MRTFA: variants seen among roughly 807,000 people sequenced by gnomAD.
MRTFA encodes myocardin related transcription factor A.
Under a neutral mutation model 83.5 loss-of-function variants are expected in MRTFA, and 20 were observed. That is an observed-to-expected ratio of 0.24 (90% CI 0.17 to 0.35). The LOEUF (loss-of-function observed/expected upper bound fraction) is 0.35. Ranked by LOEUF, MRTFA falls within the 10% of genes least tolerant of loss-of-function variation. The probability of loss-of-function intolerance (pLI) is 1.00; values close to 1 mark genes in which losing one functional copy is unlikely to be tolerated. For synonymous variants in MRTFA, 659 were observed against 541.2 expected, an observed-to-expected ratio of 1.22 and a Z score of -3.02; for missense variants, 1,200 against 1,224.7, an observed-to-expected ratio of 0.98 and a Z score of 0.30.
rs190955931 is a variant in MRTFA, at chr22:40,516,955, C to A, written c.241+35151G>T. 1.4e-4 allele frequency among the ~76,000 whole-genome samples: 21 copies of A among 151,918 alleles called. No individual in the cohort carries two copies. In the East Asian group the frequency reaches 4.1e-3, roughly 29 times the overall value. On this transcript the variant is annotated intron_variant, in intron 3 of 14. Coordinates refer to ENST00000355630, the MANE Select transcript of MRTFA (RefSeq NM_020831.6). ...TTCCTTTTTTTGAGACAGGCTCTCA[C>A]TCTGTCACCCAGGCTGGAGTGCAGT...
At chr22:40,496,743 T>A (rs2054361665) in intron 3 of MRTFA, among the ~76,000 whole-genome samples, 1 of 146,970 alleles carries the variant, frequency 6.8e-6, no homozygotes, top group African/African-American at 2.5e-5. Context: ...ACAATCTATT[T>A]TCTCTTTCTC....
intron 3 of MRTFA, among the ~76,000 whole-genome samples, chr22:40,489,028 T>C (rs2054222100): frequency 6.6e-6 from 1 of 152,128 alleles, no homozygotes. Flanking sequence ...CGTTTCATGA[T>C]GGCTCAGTCC....
chr22:40,546,748 G>A (rs1294091386), intron 3 of MRTFA, among the ~76,000 whole-genome samples: 2 of 152,182 alleles, frequency 1.3e-5, no homozygotes, highest in Non-Finnish European at 2.9e-5. Flanking sequence ...GAAAAAGGCC[G>A]AAGATACACA....
At chr22:40,565,163 C>G (rs79499580) in intron 2 of MRTFA, among the ~76,000 whole-genome samples, 1 of 152,198 alleles carries the variant, frequency 6.6e-6, no homozygotes. Context: ...TCCCAACAAG[C>G]CCCTACCATG....
At chr22:40,427,914 TA>T (rs1278785974) in intron 7 of MRTFA, among the ~76,000 whole-genome samples, 1 of 152,134 alleles carries the variant, frequency 6.6e-6, no homozygotes, top group African/African-American at 2.4e-5. Context: ...TCAAGCTCTA[TA>T]AAAACTCTTG....
At chr22:40,618,015 G>A (rs2056474507) in intron 1 of MRTFA, among the ~76,000 whole-genome samples, 1 of 151,546 alleles carries the variant, frequency 6.6e-6, no homozygotes, top group Non-Finnish European at 1.5e-5. Flanking sequence ...AAGTCTTCTG[G>A]AGAAAAGTGA....
intron 1 of MRTFA, among the ~76,000 whole-genome samples, chr22:40,599,286 G>A (rs142127948): frequency 0.082 from 12,412 of 152,060 alleles, 754 homozygotes; most frequent in East Asian, 0.25. Context: ...CAACAAGAAC[G>A]AAACTCCGTC....
chr22:40,591,196 G>A (rs564964167), intron 2 of MRTFA, among the ~76,000 whole-genome samples: 8 of 148,000 alleles, frequency 5.4e-5, no homozygotes, highest in African/African-American at 1.7e-4. Context: ...AAATAATAAC[G>A]AGCTCTTACT....
chr22:40,475,282 A>C (rs1257731604), intron 3 of MRTFA, among the ~76,000 whole-genome samples: 1 of 152,044 alleles, frequency 6.6e-6, no homozygotes, highest in Non-Finnish European at 1.5e-5. Flanking sequence ...TCACGTCTGT[A>C]ATCTCAGCAT....
intron 1 of MRTFA, among the ~76,000 whole-genome samples, chr22:40,628,347 T>A (rs991202767): frequency 1.3e-5 from 2 of 152,220 alleles, no homozygotes; most frequent in African/African-American, 4.8e-5. Flanking sequence ...CTCTGTCATA[T>A]TATGAAGTTC....
intron 3 of MRTFA, among the ~76,000 whole-genome samples, chr22:40,494,171 AG>A (rs1433424962): frequency 1.3e-5 from 2 of 152,232 alleles, no homozygotes; most frequent in Admixed American, 1.3e-4. Context: ...CTTAGAGAAA[AG>A]TGCTTTTCTA....
At position 40,411,168 on chromosome 22, in the gene MRTFA, TGA is replaced by T; in HGVS notation, c.*220_*221del. The stretch of plus-strand genomic sequence containing the variant: ...TGACCGTGTGTCCAAAACCCCAGCG[TGA>T]GAGCCAGGGCTGCTTCTTGACAGCT... On this transcript the variant is annotated 3_prime_UTR_variant, in exon 15 of 15. Transcript: ENST00000355630. The T allele has an allele frequency of 2.3e-6, 1 of 438,948 alleles. No individual in the cohort carries two copies. The allele number at this position is 438,948 out of a possible 1,614,324, so 27.2% of individuals were successfully genotyped here.
At chr22:40,545,883 G>A (rs1057341554) in intron 3 of MRTFA, among the ~76,000 whole-genome samples, 2 of 149,396 alleles carry the variant, frequency 1.3e-5, no homozygotes, top group African/African-American at 5.0e-5. Flanking sequence ...ACAGGCACCC[G>A]CCATCACGCC....
intron 4 of MRTFA, among the ~76,000 whole-genome samples, chr22:40,459,341 A>G (rs2053654660): frequency 6.6e-6 from 1 of 151,856 alleles, no homozygotes; most frequent in Non-Finnish European, 1.5e-5. Flanking sequence ...CACACCTGAA[A>G]CTATTCCCAG....
Position 40,410,339 on chromosome 22 carries a change from TC to T in MRTFA, c.*1050del. The T allele has an allele frequency of 3.2e-6, 1 of 314,240 alleles. No individual in the cohort carries two copies. The highest frequency in any genetic ancestry group is 5.2e-6 in the Non-Finnish European group (1 of 192,712). The allele number at this position is 314,240 out of a possible 1,614,324, so 19.5% of individuals were successfully genotyped here. A position where few individuals can be genotyped will look rare whatever the true frequency, so the allele number is the denominator to read the frequency against. On this transcript the variant is annotated 3_prime_UTR_variant, in exon 15 of 15. Transcript: ENST00000355630. ...AGTTCACACACCTTCCCCATCTTTG[TC>T]CCAGCACTGGTTTTGGTGACTCCAC...
intron 2 of MRTFA, among the ~76,000 whole-genome samples, chr22:40,580,993 A>T (rs904877136): frequency 9.2e-5 from 14 of 151,440 alleles, no homozygotes; most frequent in East Asian, 1.9e-4. Flanking sequence ...TTTTTTTTTT[A>T]AATAATAGAA....
intron 1 of MRTFA, among the ~76,000 whole-genome samples, chr22:40,619,733 C>A (rs970108006): frequency 4.0e-5 from 6 of 151,052 alleles, no homozygotes; most frequent in African/African-American, 7.3e-5. Flanking sequence ...ACTAAAAGTA[C>A]AAAAAAATTA....
At chr22:40,595,516 ACTT>A (rs1321922329) in intron 1 of MRTFA, among the ~76,000 whole-genome samples, 1 of 152,176 alleles carries the variant, frequency 6.6e-6, no homozygotes, top group African/African-American at 2.4e-5. Flanking sequence ...TTCATCATTT[ACTT>A]CTTGAGTCCT....
intron 1 of MRTFA, among the ~76,000 whole-genome samples, chr22:40,598,926 G>A (rs1396560297): frequency 6.6e-6 from 1 of 151,220 alleles, no homozygotes; most frequent in Admixed American, 6.6e-5. Context: ...GGGAGGCAGA[G>A]GCTGGAGGTT....
Sources: allele counts gnomAD v4.1 joint callset (sites outside exome capture counted in the v4.1 genomes callset), GRCh38; gene constraint gnomAD v4.1.1; transcripts MANE v1.5; gene names NCBI Gene and HGNC (gene_info 2026-07-23, HGNC 2026-07-21).